NEXN: variants seen among roughly 807,000 people sequenced by gnomAD.
The protein encoded by NEXN is nexilin.
Under a neutral mutation model 92.6 loss-of-function variants are expected in NEXN, and 65 were observed. The ratio of observed to expected loss-of-function variants is 0.70; its 90% confidence interval spans 0.57 to 0.86. NEXN has a LOEUF of 0.86. Ranked by LOEUF, NEXN falls within the 40% of genes least tolerant of loss-of-function variation. The probability of loss-of-function intolerance (pLI) is 0.00; values close to 1 mark genes in which losing one functional copy is unlikely to be tolerated. For synonymous variants in NEXN, 254 were observed against 242.5 expected (o/e 1.05, Z -0.44); for missense variants, 778 against 771.1 (o/e 1.01, Z -0.11).
At chr1:77,904,839 C>T (rs1260060940) in intron 1 of NEXN, among the ~76,000 whole-genome samples, 2 of 152,182 alleles carry the variant, frequency 1.3e-5, no homozygotes, top group African/African-American at 4.8e-5. Flanking sequence ...ACTTAAAAAT[C>T]CGGTTCCAAG....
intron 1 of NEXN, among the ~76,000 whole-genome samples, chr1:77,900,475 C>T (rs1271757411): frequency 6.6e-6 from 1 of 152,128 alleles, no homozygotes; most frequent in African/African-American, 2.4e-5. Context: ...TTATTTGTTT[C>T]GTATCCCATT....
At chr1:77,924,887 T>G (rs540578167) in intron 5 of NEXN, among the ~76,000 whole-genome samples, 2 of 152,254 alleles carry the variant, frequency 1.3e-5, no homozygotes, top group African/African-American at 4.8e-5. Context: ...CTTGAACTCC[T>G]GGGCTCAAAT....
chr1:77,904,500 T>C (rs1421250748), intron 1 of NEXN, among the ~76,000 whole-genome samples: 2 of 152,212 alleles, frequency 1.3e-5, no homozygotes, highest in African/African-American at 4.8e-5. Flanking sequence ...GAACAGAGGA[T>C]CTTTCAAACT....
intron 11 of NEXN, among the ~76,000 whole-genome samples, chr1:77,939,849 G>A (rs759105432): frequency 2.0e-5 from 3 of 152,286 alleles, no homozygotes; most frequent in Middle Eastern, 3.4e-3. Flanking sequence ...GGAGGCAGGC[G>A]GATCACCTGA....
At chr1:77,918,668 GA>G (rs376219706) in intron 5 of NEXN, among the ~76,000 whole-genome samples, 17,766 of 77,594 alleles carry the variant, frequency 0.23, 1,073 homozygotes, top group Middle Eastern at 0.36. Context: ...CTATCTCAAA[GA>G]AAAAAAAAAA....
Position 77,917,685 on chromosome 1 carries a change from A to T in NEXN, c.147A>T (p.Arg49Ser). The T allele has an allele frequency of 1.2e-6, 2 of 1,612,530 alleles. No individual in the cohort carries two copies. The highest frequency in any genetic ancestry group is 1.7e-6 in the Non-Finnish European group (2 of 1,179,068). ...QRAREERNQR[R>S]SRDEKQRRKE... ...CCAGGGAAGAAAGAAATCAAAGGAG[A>T]TCTAGAGACGAAAAACAAAGAAGAA... Residue 49 changes from arginine (R) to serine (S), a missense_variant, in exon 3 of 13, where the codon AGA (arginine) becomes AGT (serine). By Grantham distance (110) the Arg-to-Ser change is moderately radical. Transcript: ENST00000334785.
In NEXN at chr1:77,942,568, A is replaced by C. The variant is rs1336308420; in HGVS notation, c.1767A>C (p.Lys589Asn). 6.2e-7 allele frequency: 1 copy of C among 1,613,862 alleles called. No homozygotes were observed. The highest frequency in any genetic ancestry group is 1.1e-5 in the South Asian group (1 of 91,072). ...CTCCATGGTTCAAGAAGCCTCTTAA[A>C]AACACATCAGTTGTAGACAGTGAGC... ...SGAPWFKKPL[K>N]NTSVVDSEPV... is the part of the protein sequence containing the mutation. The change falls in exon 13 of 13, where the codon AAA (lysine) becomes AAC (asparagine). Residue 589 changes from lysine (K) to asparagine (N), a missense_variant. By Grantham distance (94) the Lys-to-Asn change is moderately conservative. Coordinates refer to ENST00000334785, the MANE Select transcript of NEXN (RefSeq NM_144573.4).
intron 11 of NEXN, among the ~76,000 whole-genome samples, chr1:77,938,242 T>C (rs1049797065): frequency 6.6e-6 from 1 of 152,206 alleles, no homozygotes; most frequent in South Asian, 2.1e-4. Flanking sequence ...CTTTTCATCA[T>C]TGCCAAAAGC....
Position 77,927,018 on chromosome 1 carries a change from A to T in NEXN, c.864+126A>T, listed in dbSNP as rs756585300. 4.5e-4 allele frequency: 564 copies of T among 1,250,110 alleles called. 1 individual carries two copies. Among genetic ancestry groups the T allele is most frequent in the Middle Eastern group, 8.6e-4 (4 of 4,674 alleles). 77.4% of individuals were successfully genotyped at this position (1,250,110 alleles called of 1,614,324 possible). Reference sequence around the variant, plus strand: ...GGGCTGATTTTCTAATTGTATTCATATTTCATATATAAAATACATCTAGGC... The same window carrying T: ...GGGCTGATTTTCTAATTGTATTCATTTTTCATATATAAAATACATCTAGGC... On this transcript the variant is annotated intron_variant, in intron 8 of 12. Transcript: ENST00000334785.
rs1215022594 is a variant in NEXN at position 77,923,199 on chromosome 1, A to G, written c.448-1989A>G. Among the ~76,000 whole-genome samples, 4 of 131,930 alleles carry G rather than the reference A, an allele frequency of 3.0e-5. No individual in the cohort carries two copies. In the East Asian group the frequency reaches 8.8e-4, roughly 29 times the overall value. 86.6% of individuals were successfully genotyped at this position (131,930 alleles called of 152,430 possible). On this transcript the variant is annotated intron_variant, in intron 5 of 12. Transcript: ENST00000334785. ...TTTTTTGTAGAGAGAGGGTCTCGCC[A>G]TGTTGCCCAGGTTGGTCTTGAACTC...
chr1:77,917,440 G>T, intron 2 of NEXN, 126 bp from the exon 3 acceptor site: 1 of 743,424 alleles, frequency 1.3e-6, no homozygotes, highest in Non-Finnish European at 2.3e-6. Flanking sequence ...CAAATAAAGG[G>T]TTCAAACACA....
At chr1:77,920,870 C>G (rs1377005115) in intron 5 of NEXN, among the ~76,000 whole-genome samples, 1 of 152,024 alleles carries the variant, frequency 6.6e-6, no homozygotes, top group Non-Finnish European at 1.5e-5. Flanking sequence ...AAAGGAGTTT[C>G]ATTTTTTATA....
chr1:77,898,266 C>T (rs1647397142), intron 1 of NEXN, among the ~76,000 whole-genome samples: 1 of 152,052 alleles, frequency 6.6e-6, no homozygotes, highest in Non-Finnish European at 1.5e-5. Context: ...AACTATACTA[C>T]AAGGCTACAG....
rs187264337 is a variant in NEXN, at chr1:77,900,941, T to C, written c.-53+12182T>C. Among the ~76,000 whole-genome samples, 6 of 152,306 alleles carry C rather than the reference T, an allele frequency of 3.9e-5. No individual in the cohort carries two copies. In the East Asian group the frequency reaches 1.2e-3, roughly 29 times the overall value. ...TCAAACAAGAAAAATCACTTAACGC[T>C]AGAAGAAGAAAAGCCTGTTAAGATT... On this transcript the variant is annotated intron_variant, in intron 1 of 12. Transcript: ENST00000334785.
chr1:77,910,761 A>AAC (rs1553235529), intron 1 of NEXN, among the ~76,000 whole-genome samples: 14 of 125,106 alleles, frequency 1.1e-4, no homozygotes, highest in African/African-American at 4.0e-4. Flanking sequence ...AAAAAAAAAA[A>AAC]AAAAAAAAAA....
At position 77,929,442 on chromosome 1, in the gene NEXN, G is replaced by C; in HGVS notation, c.991G>C (p.Glu331Gln). The change falls in exon 9 of 13, where the codon GAA (glutamate) becomes CAA (glutamine). Residue 331 changes from glutamate (E) to glutamine (Q), a missense_variant. Physicochemically the swap from Glu to Gln is conservative, Grantham distance 29 (BLOSUM62 2). Coordinates refer to ENST00000334785, the MANE Select transcript of NEXN (RefSeq NM_144573.4). ...RREDEKRKAE[E>Q]EARRRIEEEK... ...AGAAGATGAAAAAAGGAAAGCAGAA[G>C]AAGAAGCCAGAAGGAGAATAGAGGA... The C allele has an allele frequency of 1.2e-6, 2 of 1,613,318 alleles. No individual in the cohort carries two copies. The highest frequency in any genetic ancestry group is 2.7e-5 in the African/African-American group (2 of 75,012).
chr1:77,892,996 A>G (rs1364538172), intron 1 of NEXN, among the ~76,000 whole-genome samples: 1 of 151,720 alleles, frequency 6.6e-6, no homozygotes, highest in Non-Finnish European at 1.5e-5. Context: ...CCTCCTGAGT[A>G]GCTAGGACTA....
At chr1:77,907,107 C>T (rs975966138) in intron 1 of NEXN, among the ~76,000 whole-genome samples, 5 of 152,152 alleles carry the variant, frequency 3.3e-5, no homozygotes, top group Non-Finnish European at 7.3e-5. Flanking sequence ...TAATTTTATT[C>T]ATGTTTTGTG....
At chr1:77,900,862 T>C (rs569584281) in intron 1 of NEXN, among the ~76,000 whole-genome samples, 1 of 152,140 alleles carries the variant, frequency 6.6e-6, no homozygotes, top group Non-Finnish European at 1.5e-5. Flanking sequence ...TGGAGCTGAA[T>C]TGTTGGGTTG....
Sources: gnomAD v4.1 joint callset for allele counts (sites outside exome capture counted in the v4.1 genomes callset) on GRCh38, gnomAD v4.1.1 for gene constraint, MANE v1.5 for transcripts, NCBI Gene and HGNC (gene_info 2026-07-23, HGNC 2026-07-21) for gene names.